SYT16: variants seen among roughly 807,000 people sequenced by gnomAD.
SYT16 encodes synaptotagmin-16.
A neutral mutation model predicts 61.4 loss-of-function variants in SYT16; 42 were observed. The observed-to-expected ratio is 0.68, with a 90% CI of 0.53 to 0.89. The LOEUF is 0.89. Ranked by LOEUF, SYT16 falls within the 40% of genes least tolerant of loss-of-function variation. The probability of loss-of-function intolerance (pLI) is 0.00; values close to 1 mark genes in which losing one functional copy is unlikely to be tolerated. For missense variants in SYT16, 804 were observed against 807.3 expected (o/e 1.00, Z 0.05); for synonymous variants, 314 against 302.3 (o/e 1.04, Z -0.40).
At chr14:61,925,363 G>A (rs906509216) in intron 1 of SYT16, among the ~76,000 whole-genome samples, 1 of 152,182 alleles carries the variant, frequency 6.6e-6, no homozygotes, top group African/African-American at 2.4e-5. Flanking sequence ...GTTAATTTGT[G>A]ACTGTAGAGG....
At chr14:61,969,485 G>A (rs1290462588) in intron 1 of SYT16, among the ~76,000 whole-genome samples, 1 of 152,078 alleles carries the variant, frequency 6.6e-6, no homozygotes, top group African/African-American at 2.4e-5. Context: ...GAGGAGGAGG[G>A]GAAGGAAGAA....
intron 1 of SYT16, among the ~76,000 whole-genome samples, chr14:61,848,185 T>C (rs987560240): frequency 1.3e-5 from 2 of 152,208 alleles, no homozygotes; most frequent in African/African-American, 4.8e-5. Context: ...GGCTTTTTTG[T>C]ATTCATTCTT....
At position 62,009,172 on chromosome 14, in the gene SYT16, G is replaced by C. The variant is rs998585616; in HGVS notation, c.523+12630G>C. Among the ~76,000 whole-genome samples, 28 of 152,156 alleles carry C rather than the reference G, an allele frequency of 1.8e-4. 1 individual carries two copies. Among genetic ancestry groups the C allele is most frequent in the African/African-American group, 6.8e-4 (28 of 41,448 alleles). ...AGAATCTAAGTATTAGAAGTTGTCT[G>C]TTTGTTTAGTAGCAAGTTTAAATAA... is the stretch of plus-strand genomic sequence containing the variant. On this transcript the variant is annotated intron_variant, in intron 3 of 7. Coordinates refer to ENST00000683842, the MANE Select transcript of SYT16 (RefSeq NM_001367656.1).
chr14:62,094,212 A>T (rs185542223), intron 7 of SYT16, among the ~76,000 whole-genome samples: 141 of 152,282 alleles, frequency 9.3e-4, no homozygotes, highest in African/African-American at 3.0e-3. Context: ...ATGTCACATT[A>T]TTCACCTGAG....
chr14:62,091,063 C>CT (rs1293251296), intron 7 of SYT16, among the ~76,000 whole-genome samples: 5 of 152,104 alleles, frequency 3.3e-5, no homozygotes. Flanking sequence ...TGAGATTTGG[C>CT]TGGGGACACA....
intron 7 of SYT16, among the ~76,000 whole-genome samples, chr14:62,097,336 C>G (rs908024174): frequency 6.6e-6 from 1 of 152,072 alleles, no homozygotes; most frequent in African/African-American, 2.4e-5. Flanking sequence ...GAATCACCAC[C>G]AGAAAAGAAA....
intron 1 of SYT16, among the ~76,000 whole-genome samples, chr14:61,932,786 T>C (rs1206157749): frequency 6.6e-6 from 1 of 152,174 alleles, no homozygotes; most frequent in African/African-American, 2.4e-5. Context: ...CTCATGAGAT[T>C]AAGCTACTCA....
intron 3 of SYT16, among the ~76,000 whole-genome samples, chr14:62,051,728 G>C (rs1201780552): frequency 1.3e-5 from 2 of 152,196 alleles, no homozygotes; most frequent in East Asian, 3.8e-4. Context: ...GATCTTGTTA[G>C]TGGCTTATTG....
At chr14:61,893,022 G>C (rs1459098743) in intron 1 of SYT16, among the ~76,000 whole-genome samples, 2 of 152,022 alleles carry the variant, frequency 1.3e-5, no homozygotes, top group Admixed American at 6.5e-5. Flanking sequence ...TCACTTCCAG[G>C]GCATCAATAG....
intron 1 of SYT16, among the ~76,000 whole-genome samples, chr14:61,946,077 G>A (rs552866799): frequency 6.6e-6 from 1 of 152,152 alleles, no homozygotes; most frequent in East Asian, 1.9e-4. Flanking sequence ...GGGGCTGGAG[G>A]AGAGATAGCA....
At chr14:61,824,221 T>A (rs1224341073) in intron 1 of SYT16, among the ~76,000 whole-genome samples, 3 of 152,204 alleles carry the variant, frequency 2.0e-5, no homozygotes, top group Non-Finnish European at 4.4e-5. Flanking sequence ...TCCTATATAC[T>A]TTTTCTTTTT....
rs1422961368 is a variant in SYT16 at position 62,104,280 on chromosome 14, G to A, written c.*3573G>A. 2 of 152,194 alleles carry A rather than the reference G, an allele frequency of 1.3e-5. No homozygotes were observed. The highest frequency in any genetic ancestry group is 4.8e-5 in the African/African-American group (2 of 41,450). The allele number at this position is 152,194 out of a possible 1,614,324, so 9.4% of individuals were successfully genotyped here. A position where few individuals can be genotyped will look rare whatever the true frequency, so the allele number is the denominator to read the frequency against. On this transcript the variant is annotated 3_prime_UTR_variant, in exon 8 of 8. Coordinates refer to ENST00000683842, the MANE Select transcript of SYT16 (RefSeq NM_001367656.1). The stretch of plus-strand genomic sequence containing the variant: ...TTTGTAAATGTCATAAAACCAGATG[G>A]AGGCATATTCTTTACTGATAAAGAA...
At chr14:62,033,397 GC>G (rs2140814473) in intron 3 of SYT16, among the ~76,000 whole-genome samples, 1 of 152,128 alleles carries the variant, frequency 6.6e-6, no homozygotes, top group East Asian at 1.9e-4. Context: ...ACAGGAACTG[GC>G]AAAATGTGGT....
At chr14:61,966,535 C>A (rs2051322057) in intron 1 of SYT16, among the ~76,000 whole-genome samples, 1 of 151,964 alleles carries the variant, frequency 6.6e-6, no homozygotes, top group Non-Finnish European at 1.5e-5. Flanking sequence ...ACAGTGAGGT[C>A]TTTACAATTT....
intron 1 of SYT16, among the ~76,000 whole-genome samples, chr14:61,924,530 T>C (rs2049459550): frequency 6.6e-6 from 1 of 152,202 alleles, no homozygotes; most frequent in South Asian, 2.1e-4. Context: ...ATTACCTGAA[T>C]GAAATCTTGG....
intron 6 of SYT16, 128 bp from the exon 7 acceptor site, chr14:62,084,068 G>A: frequency 9.3e-7 from 1 of 1,077,378 alleles, no homozygotes; most frequent in Non-Finnish European, 1.3e-6. Context: ...CACGCCGAGT[G>A]CGCCCTTAGT....
intron 1 of SYT16, among the ~76,000 whole-genome samples, chr14:61,869,302 GT>G (rs1348347308): frequency 3.3e-5 from 5 of 151,490 alleles, no homozygotes; most frequent in African/African-American, 1.2e-4. Context: ...TTTATTATTT[GT>G]TTTCTATTTG....
chr14:62,029,755 C>T (rs2054241775), intron 3 of SYT16, among the ~76,000 whole-genome samples: 2 of 150,908 alleles, frequency 1.3e-5, no homozygotes, highest in Middle Eastern at 3.2e-3. Flanking sequence ...ACCCTCTGAC[C>T]TCGCTTTTGA....
Position 61,996,299 on chromosome 14 carries a change from T to G in SYT16, c.280T>G (p.Cys94Gly). The change falls in exon 3 of 8, where the codon TGT becomes GGT. Residue 94 changes from cysteine to glycine, a missense_variant. Coordinates refer to ENST00000683842, the MANE Select transcript of SYT16 (RefSeq NM_001367656.1). ...TCTTGAAGTGGATCATTTCTCATGT[T>G]GTAATAGTGATTTGCAGGACTCTGC... ...LFLEVDHFSC[C>G]NSDLQDSAQN... 6 of 1,613,554 alleles carry G rather than the reference T, an allele frequency of 3.7e-6. No homozygotes were observed. Among genetic ancestry groups the G allele is most frequent in the Non-Finnish European group, 5.1e-6 (6 of 1,179,610 alleles).
Sources: allele counts gnomAD v4.1 joint callset (sites outside exome capture counted in the v4.1 genomes callset), GRCh38; gene constraint gnomAD v4.1.1; transcripts MANE v1.5; gene names NCBI Gene and HGNC (gene_info 2026-07-23, HGNC 2026-07-21).